NOL4: variants seen among roughly 807,000 people sequenced by gnomAD.
NOL4 encodes cancer/testis antigen 125.
In NOL4, 17 loss-of-function variants were observed where a neutral mutation model predicts 75.9. The ratio of observed to expected loss-of-function variants is 0.22; its 90% CI spans 0.15 to 0.34. NOL4 has a LOEUF of 0.34. Among genes scored for constraint, NOL4 ranks in the 10% least tolerant of loss-of-function variants. The pLI, the probability that NOL4 is intolerant of heterozygous loss-of-function variation, is 1.00. For missense variants in NOL4, 614 were observed against 793.5 expected (o/e 0.77, Z 2.72); for synonymous variants, 292 against 289.9 (o/e 1.01, Z -0.07).
intron 9 of NOL4, among the ~76,000 whole-genome samples, chr18:33,886,970 T>C (rs925557427): frequency 1.4e-5 from 2 of 140,268 alleles, no homozygotes; most frequent in Non-Finnish European, 3.1e-5. Context: ...TAGATATATC[T>C]ATATACATAT....
intron 9 of NOL4, among the ~76,000 whole-genome samples, chr18:33,926,514 A>G (rs1456047889): frequency 1.3e-5 from 2 of 152,216 alleles, no homozygotes; most frequent in African/African-American, 4.8e-5. Context: ...TGTAGCAAAG[A>G]TAAAGAAATA....
chr18:34,165,753 T>G (rs903128004), intron 1 of NOL4, among the ~76,000 whole-genome samples: 4 of 152,092 alleles, frequency 2.6e-5, no homozygotes. Flanking sequence ...ATAGTAGACA[T>G]CTCTAGATAA....
chr18:34,054,948 C>T (rs2076773067), intron 5 of NOL4, among the ~76,000 whole-genome samples: 1 of 148,862 alleles, frequency 6.7e-6, no homozygotes, highest in Non-Finnish European at 1.5e-5. Context: ...TTAATATATT[C>T]TATATTGCAT....
At chr18:34,115,053 G>A (rs888018115) in intron 2 of NOL4, among the ~76,000 whole-genome samples, 3 of 152,072 alleles carry the variant, frequency 2.0e-5, no homozygotes, top group Non-Finnish European at 4.4e-5. Context: ...AAGAGTCCTC[G>A]GCAGAATTTC....
intron 1 of NOL4, among the ~76,000 whole-genome samples, chr18:34,179,414 G>A (rs999987293): frequency 6.6e-5 from 10 of 151,276 alleles, no homozygotes; most frequent in East Asian, 1.9e-4. Flanking sequence ...CAATAAGACC[G>A]TAAGTTGGTT....
intron 9 of NOL4, among the ~76,000 whole-genome samples, chr18:33,939,464 T>C (rs1043836068): frequency 6.6e-6 from 1 of 152,154 alleles, no homozygotes; most frequent in Admixed American, 6.5e-5. Context: ...CAGTGGTTTA[T>C]AGTTCTCCTT....
At chr18:34,169,477 A>C (rs1188738885) in intron 1 of NOL4, among the ~76,000 whole-genome samples, 1 of 151,840 alleles carries the variant, frequency 6.6e-6, no homozygotes, top group Non-Finnish European at 1.5e-5. Context: ...AAAAAAAAAA[A>C]AAACAGCAAG....
intron 10 of NOL4, among the ~76,000 whole-genome samples, chr18:33,872,574 A>T (rs896398421): frequency 5.9e-5 from 9 of 152,020 alleles, no homozygotes; most frequent in African/African-American, 2.2e-4. Context: ...GGCCAGTGCA[A>T]TAATGTGAAT....
intron 6 of NOL4, among the ~76,000 whole-genome samples, chr18:33,997,448 A>T (rs1443961522): frequency 6.6e-6 from 1 of 151,500 alleles, no homozygotes; most frequent in Non-Finnish European, 1.5e-5. Flanking sequence ...TTTTGTACCA[A>T]TACCATGCTG....
chr18:34,177,766 C>G (rs1004959514), intron 1 of NOL4, among the ~76,000 whole-genome samples: 3 of 151,744 alleles, frequency 2.0e-5, no homozygotes, highest in African/African-American at 7.3e-5. Flanking sequence ...TCCAGAAAAT[C>G]TATTCTTCAA....
At chr18:34,106,562 C>CA (rs1221966377) in intron 2 of NOL4, among the ~76,000 whole-genome samples, 4 of 151,600 alleles carry the variant, frequency 2.6e-5, no homozygotes, top group African/African-American at 9.7e-5. Context: ...ATCCAGATTT[C>CA]AAAAAATACT....
intron 9 of NOL4, among the ~76,000 whole-genome samples, chr18:33,942,849 C>G (rs1174734453): frequency 6.6e-6 from 1 of 151,914 alleles, no homozygotes; most frequent in Non-Finnish European, 1.5e-5. Flanking sequence ...AGTTTTGCTA[C>G]TGTTCATTTT....
intron 1 of NOL4, among the ~76,000 whole-genome samples, chr18:34,135,506 G>A (rs952872529): frequency 3.3e-5 from 5 of 151,732 alleles, no homozygotes; most frequent in Non-Finnish European, 7.4e-5. Flanking sequence ...GATCATCCTC[G>A]CTAATACAGT....
At chr18:33,980,570 T>C (rs1233139061) in intron 6 of NOL4, among the ~76,000 whole-genome samples, 1 of 151,900 alleles carries the variant, frequency 6.6e-6, no homozygotes, top group African/African-American at 2.4e-5. Flanking sequence ...TCTAGCCTGC[T>C]CTAGGCATCC....
intron 6 of NOL4, among the ~76,000 whole-genome samples, chr18:33,965,130 T>A (rs1054153402): frequency 6.6e-6 from 1 of 152,116 alleles, no homozygotes; most frequent in Non-Finnish European, 1.5e-5. Flanking sequence ...TCCACACTTG[T>A]TAGAGATACA....
chr18:33,907,051 C>T (rs968539879), intron 9 of NOL4, among the ~76,000 whole-genome samples: 4 of 151,974 alleles, frequency 2.6e-5, no homozygotes, highest in African/African-American at 9.7e-5. Flanking sequence ...AGGCAAGGCA[C>T]GGTGGCTCAC....
At chr18:34,009,280 T>A (rs1600235394) in intron 6 of NOL4, among the ~76,000 whole-genome samples, 1 of 151,948 alleles carries the variant, frequency 6.6e-6, no homozygotes, top group East Asian at 1.9e-4. Flanking sequence ...GATTCCTGGA[T>A]AATAAGTGTA....
intron 5 of NOL4, chr18:34,023,536 G>A (rs983014114): frequency 2.2e-6 from 1 of 454,888 alleles, no homozygotes; most frequent in African/African-American, 2.0e-5. Flanking sequence ...CCAAGGCGGT[G>A]GTTCTTCTCT....
chr18:33,854,780 T>G (rs969422908), intron 10 of NOL4, among the ~76,000 whole-genome samples: 1 of 151,786 alleles, frequency 6.6e-6, no homozygotes, highest in Non-Finnish European at 1.5e-5. Flanking sequence ...TGATGGTTTT[T>G]GCTGTCAATC....
Sources: allele counts gnomAD v4.1 joint callset (sites outside exome capture counted in the v4.1 genomes callset), GRCh38; gene constraint gnomAD v4.1.1; transcripts MANE v1.5; gene names NCBI Gene and HGNC (gene_info 2026-07-23, HGNC 2026-07-21).